The following DPH5 variants were observed in gnomAD, a reference collection of about 807,000 sequenced individuals.
The protein encoded by DPH5 is diphthamide biosynthesis 5.
Under a neutral mutation model 31.6 loss-of-function variants are expected in DPH5, and 31 were observed. The ratio of observed to expected loss-of-function variants is 0.98; its 90% CI spans 0.74 to 1.32. The LOEUF is 1.32. Ranked by LOEUF, DPH5 falls within the 40% of genes most tolerant of loss-of-function variation. The pLI is 0.00. For synonymous variants in DPH5, 120 were observed against 115.0 expected, an observed-to-expected ratio of 1.04 and a Z score of -0.28; for missense variants, 309 against 335.7, an observed-to-expected ratio of 0.92 and a Z score of 0.62.
At chr1:101,006,855 T>C (rs1017975718) in intron 4 of DPH5, among the ~76,000 whole-genome samples, 2 of 152,196 alleles carry the variant, frequency 1.3e-5, no homozygotes, top group Non-Finnish European at 2.9e-5. Flanking sequence ...ACTCATGCAA[T>C]AGCAAGAGAA....
intron 3 of DPH5, among the ~76,000 whole-genome samples, chr1:101,018,502 G>T (rs1481208757): frequency 2.0e-5 from 3 of 152,104 alleles, no homozygotes; most frequent in Non-Finnish European, 4.4e-5. Context: ...GCCTCCCAAA[G>T]TTGCTGGGAT....
At chr1:101,012,197 A>G (rs985206724) in intron 4 of DPH5, among the ~76,000 whole-genome samples, 3 of 152,170 alleles carry the variant, frequency 2.0e-5, no homozygotes, top group Non-Finnish European at 4.4e-5. Context: ...TACCACGCCC[A>G]GCCATCCGTC....
At chr1:100,996,364 G>A (rs1406146763) in intron 5 of DPH5, 1 of 152,264 alleles carries the variant, frequency 6.6e-6, no homozygotes, top group East Asian at 1.9e-4. Flanking sequence ...TATAGAATCT[G>A]ATTTTTAAAA....
At position 101,001,576 on chromosome 1, in the gene DPH5, A is replaced by G. The variant is rs1389978095; in HGVS notation, c.381T>C (p.Phe127=). The change falls in exon 5 of 8, where the codon TTT becomes TTC. Residue 127 remains phenylalanine, a synonymous_variant. Coordinates refer to ENST00000370109, the MANE Select transcript of DPH5 (RefSeq NM_015958.3). Reference sequence around the variant, plus strand: ...AAAAAACAATAGAAACTGTCTCTCCAAACTTATATAACTAGAAAAAAAAAC... The same window carrying G: ...AAAAAACAATAGAAACTGTCTCTCCGAACTTATATAACTAGAAAAAAAAAC... ...VGCCGLQLYK[F]GETVSIVFWT... 6.3e-7 allele frequency: 1 copy of G among 1,581,970 alleles called. No homozygotes were observed. Among genetic ancestry groups the G allele is most frequent in the African/African-American group, 1.4e-5 (1 of 73,748 alleles).
chr1:101,004,248 C>T (rs1433241257), intron 4 of DPH5, among the ~76,000 whole-genome samples: 1 of 152,156 alleles, frequency 6.6e-6, no homozygotes, highest in Non-Finnish European at 1.5e-5. Flanking sequence ...CACCATATGT[C>T]AATACCTCAA....
intron 3 of DPH5, among the ~76,000 whole-genome samples, chr1:101,015,554 G>A (rs1296343998): frequency 6.6e-6 from 1 of 152,132 alleles, no homozygotes; most frequent in East Asian, 1.9e-4. Flanking sequence ...TTTTCATAAG[G>A]CTATATATAT....
Position 100,993,559 on chromosome 1 carries a change from AATATATATATATATATATATATAT to A in DPH5, c.531-843_531-820del, listed in dbSNP as rs10527775. ...AGAGCAAGACTCTGTCGAAAATATA[AATATATATATATATATATATATAT>A]ATATATATATATATAGCTATTGTGG... On this transcript the variant is annotated intron_variant, in intron 6 of 7. Transcript: ENST00000370109. 3.2e-3 allele frequency among the ~76,000 whole-genome samples: 179 copies of A among 56,526 alleles called. 6 individuals carry two copies. The highest frequency in any genetic ancestry group is 9.1e-3 in the African/African-American group (146 of 16,016). The allele number at this position is 56,526 out of a possible 152,430, so 37.1% of individuals were successfully genotyped here. A position where few individuals can be genotyped will look rare whatever the true frequency, so the allele number is the denominator to read the frequency against.
At chr1:101,012,994 A>G (rs894521655) in intron 4 of DPH5, among the ~76,000 whole-genome samples, 1 of 152,192 alleles carries the variant, frequency 6.6e-6, no homozygotes, top group African/African-American at 2.4e-5. Flanking sequence ...TCTAAGATGC[A>G]TGTTGTTTTC....
At chr1:100,997,582 G>A (rs12119832) in intron 5 of DPH5, among the ~76,000 whole-genome samples, 11,364 of 152,060 alleles carry the variant, frequency 0.075, 571 homozygotes, top group South Asian at 0.19. Context: ...AGTCAAGATG[G>A]TCTCGATCTT....
At chr1:101,008,071 A>C (rs1659367210) in intron 4 of DPH5, among the ~76,000 whole-genome samples, 1 of 152,242 alleles carries the variant, frequency 6.6e-6, no homozygotes, top group Admixed American at 6.5e-5. Flanking sequence ...TTGAGTACCT[A>C]AAGTATCTCA....
At chr1:101,016,943 C>G (rs1431372816) in intron 3 of DPH5, among the ~76,000 whole-genome samples, 1 of 152,152 alleles carries the variant, frequency 6.6e-6, no homozygotes, top group African/African-American at 2.4e-5. Context: ...GGGGAGCAGT[C>G]AGAACACACA....
Position 100,990,344 on chromosome 1 carries a change from C to G in DPH5, c.*64G>C. 2 of 1,450,902 alleles carry G rather than the reference C, an allele frequency of 1.4e-6. No individual in the cohort carries two copies. The highest frequency in any genetic ancestry group is 3.4e-5 in the Admixed American group (2 of 59,394). 89.9% of individuals were successfully genotyped at this position (1,450,902 alleles called of 1,614,324 possible). On this transcript the variant is annotated 3_prime_UTR_variant, in exon 8 of 8. Coordinates refer to ENST00000370109, the MANE Select transcript of DPH5 (RefSeq NM_015958.3). Reference sequence around the variant, plus strand: ...TCAAGATGAGACTTGGGTGGGGATACATCCAAACCATATCAATCCATATAT... The same window carrying G: ...TCAAGATGAGACTTGGGTGGGGATAGATCCAAACCATATCAATCCATATAT...
rs1366457561 is a variant in DPH5 at position 101,021,646 on chromosome 1, T to C, written c.255A>G (p.Pro85=). The change falls in exon 3 of 8, where the codon CCA becomes CCG. Residue 85 remains proline (P), a synonymous_variant. Transcript: ENST00000370109. ...AAATATCTGCCTTGACTTACCCAAA[T>C]GGATCACCAACCACAAGGAATGCAA... is the stretch of plus-strand genomic sequence containing the variant. ...SDVAFLVVGD[P]FGATTHSDLV... is the part of the protein sequence containing the mutation. The C allele has an allele frequency of 9.9e-6, 16 of 1,612,512 alleles. No homozygotes were observed. Among genetic ancestry groups the C allele is most frequent in the Non-Finnish European group, 1.3e-5 (15 of 1,179,118 alleles).
rs1657504565 is a variant in DPH5 at position 100,989,781 on chromosome 1, T to C, written c.*627A>G. 6.6e-6 allele frequency: 1 copy of C among 152,342 alleles called. No homozygotes were observed. The highest frequency in any genetic ancestry group is 1.5e-5 in the Non-Finnish European group (1 of 68,150). 9.4% of individuals were successfully genotyped at this position (152,342 alleles called of 1,614,324 possible). The stretch of plus-strand genomic sequence containing the variant: ...AATTGGTTTCATAAATAAAAACTGC[T>C]CTTAAATGATTCTGTCAGTGGATGT... On this transcript the variant is annotated 3_prime_UTR_variant, in exon 8 of 8. Transcript: ENST00000370109.
At chr1:101,002,458 T>C (rs1658940077) in intron 4 of DPH5, among the ~76,000 whole-genome samples, 1 of 152,230 alleles carries the variant, frequency 6.6e-6, no homozygotes, top group South Asian at 2.1e-4. Context: ...GAGGATCATA[T>C]TACATGTAAA....
intron 4 of DPH5, among the ~76,000 whole-genome samples, chr1:101,010,676 T>C (rs1659558918): frequency 1.3e-5 from 2 of 152,226 alleles, no homozygotes. Flanking sequence ...AGCTCTTTCA[T>C]GGAGATGACA....
intron 6 of DPH5, among the ~76,000 whole-genome samples, chr1:100,993,783 C>G (rs902402409): frequency 7.3e-5 from 11 of 151,170 alleles, no homozygotes; most frequent in Non-Finnish European, 1.3e-4. Context: ...ACTCTGTTGC[C>G]CAGGCTGCAG....
At position 101,025,763 on chromosome 1, in the gene DPH5, G is replaced by T. The variant is rs538075064; in HGVS notation, c.-104C>A. Reference sequence around the variant, plus strand: ...TTTCCGCAGAAGCAACTGCAAAAGCGCCGGCTCCGTGCAGAGAAAAGGCCC... The same window carrying T: ...TTTCCGCAGAAGCAACTGCAAAAGCTCCGGCTCCGTGCAGAGAAAAGGCCC... On this transcript the variant is annotated 5_prime_UTR_variant, in exon 1 of 8. Coordinates refer to ENST00000370109, the MANE Select transcript of DPH5 (RefSeq NM_015958.3). The T allele has an allele frequency of 2.1e-4, 64 of 300,998 alleles. No homozygotes were observed. Among genetic ancestry groups the T allele is most frequent in the Non-Finnish European group, 3.7e-4 (59 of 158,466 alleles). The allele number at this position is 300,998 out of a possible 1,614,324, so 18.6% of individuals were successfully genotyped here.
intron 5 of DPH5, among the ~76,000 whole-genome samples, chr1:100,999,247 C>T (rs945104352): frequency 1.3e-5 from 2 of 151,342 alleles, no homozygotes; most frequent in African/African-American, 4.9e-5. Flanking sequence ...CCCAGAAATT[C>T]GAGACCAGCC....
Sources: allele counts gnomAD v4.1 joint callset (sites outside exome capture counted in the v4.1 genomes callset), GRCh38; gene constraint gnomAD v4.1.1; transcripts MANE v1.5; gene names NCBI Gene and HGNC (gene_info 2026-07-23, HGNC 2026-07-21).